The following S100A8 variants were observed in gnomAD, a reference collection of about 807,000 sequenced individuals.
The protein encoded by S100A8 is protein S100-A8.
A neutral mutation model predicts 4.2 loss-of-function variants in S100A8; 1 was observed. The observed-to-expected ratio is 0.24, with a 90% CI of 0.08 to 1.12. S100A8 has a LOEUF of 1.12. Ranked by LOEUF, S100A8 falls within the 50% of genes most tolerant of loss-of-function variation. The pLI is 0.53. For synonymous variants in S100A8, 41 were observed against 44.7 expected (o/e 0.92, Z 0.33); for missense variants, 96 against 111.8 (o/e 0.86, Z 0.64).
At chr1:153,392,940 T>C (rs1662135350), upstream of S100A8, among the ~76,000 whole-genome samples, 1 of 152,212 alleles carries the variant, frequency 6.6e-6, no homozygotes, top group African/African-American at 2.4e-5. Flanking sequence ...TCACACTCAC[T>C]GAGCTTTTCC....
chr1:153,390,587 A>G (rs1233926532), intron 1 of S100A8, 30 bp from the exon 2 acceptor site: 4 of 1,609,782 alleles, frequency 2.5e-6, no homozygotes, highest in East Asian at 2.2e-5. Context: ...GGGGAATCCC[A>G]TGGCAGGGAA....
At chr1:153,403,937 G>A in the S100A8 span, among the ~76,000 whole-genome samples, 973 of 152,268 alleles carry the variant, frequency 6.4e-3, 42 homozygotes, top group Admixed American at 0.049. Context: ...CACTGCAGAT[G>A]CCAATCGCAG....
chr1:153,415,777 C>A, the S100A8 span, among the ~76,000 whole-genome samples: 1 of 152,166 alleles, frequency 6.6e-6, no homozygotes, highest in Non-Finnish European at 1.5e-5. Flanking sequence ...CCAGTCCCCC[C>A]ACCTAAATCC....
chr1:153,403,851 A>G, the S100A8 span, among the ~76,000 whole-genome samples: 1 of 152,108 alleles, frequency 6.6e-6, no homozygotes, highest in Admixed American at 6.5e-5. Context: ...GTATCGTGCA[A>G]TTCCGTTCTG....
At chr1:153,410,508 A>C in the S100A8 span, among the ~76,000 whole-genome samples, 4 of 152,232 alleles carry the variant, frequency 2.6e-5, no homozygotes, top group Non-Finnish European at 5.9e-5. Flanking sequence ...AACCAAAAAA[A>C]GTCCAAGACC....
the S100A8 span, chr1:153,421,557 A>T: frequency 6.6e-6 from 1 of 152,184 alleles, no homozygotes; most frequent in Non-Finnish European, 1.5e-5. Flanking sequence ...AAATCCAAAA[A>T]CTTCCAGTCC....
chr1:153,410,547 A>C, the S100A8 span, among the ~76,000 whole-genome samples: 1 of 152,252 alleles, frequency 6.6e-6, no homozygotes, highest in Non-Finnish European at 1.5e-5. Flanking sequence ...ATTCTACCAG[A>C]GCTACAAAGA....
chr1:153,421,510 A>T, the S100A8 span: 1 of 152,350 alleles, frequency 6.6e-6, no homozygotes, highest in East Asian at 1.9e-4. Flanking sequence ...ATTTGTGCAA[A>T]TTCTAGTCAA....
chr1:153,407,512 G>C, the S100A8 span, among the ~76,000 whole-genome samples: 1 of 152,250 alleles, frequency 6.6e-6, no homozygotes, highest in Non-Finnish European at 1.5e-5. Context: ...AAGGAGGTCT[G>C]CCTGCCTCGG....
the S100A8 span, among the ~76,000 whole-genome samples, chr1:153,408,330 G>C: frequency 6.6e-6 from 1 of 152,212 alleles, no homozygotes; most frequent in Non-Finnish European, 1.5e-5. Flanking sequence ...CATGACTCAT[G>C]CACAAGCTTC....
At chr1:153,391,755 G>A (rs1451547137), upstream of S100A8, among the ~76,000 whole-genome samples, 1 of 152,190 alleles carries the variant, frequency 6.6e-6, no homozygotes, top group African/African-American at 2.4e-5. Context: ...GATGGAGGCT[G>A]CTTGGGGTCC....
the S100A8 span, chr1:153,418,122 A>G: frequency 6.2e-7 from 1 of 1,614,200 alleles, no homozygotes; most frequent in Non-Finnish European, 8.5e-7. Context: ...AATAGGCATG[A>G]TCGACATGTT....
chr1:153,417,519 C>T, the S100A8 span, among the ~76,000 whole-genome samples: 28 of 152,320 alleles, frequency 1.8e-4, no homozygotes, highest in African/African-American at 5.3e-4. Context: ...CTCATGTCCA[C>T]GCTCACATGT....
the S100A8 span, among the ~76,000 whole-genome samples, chr1:153,416,149 G>T: frequency 6.6e-6 from 1 of 152,238 alleles, no homozygotes; most frequent in Non-Finnish European, 1.5e-5. Context: ...CAACAAATGT[G>T]TGGAAGTACT....
the S100A8 span, among the ~76,000 whole-genome samples, chr1:153,411,836 C>T: frequency 1.3e-5 from 2 of 152,164 alleles, no homozygotes; most frequent in Non-Finnish European, 2.9e-5. Flanking sequence ...CACACAACTA[C>T]AACCATCTGA....
At chr1:153,403,743 A>G in the S100A8 span, among the ~76,000 whole-genome samples, 1 of 152,202 alleles carries the variant, frequency 6.6e-6, no homozygotes, top group Admixed American at 6.5e-5. Context: ...AACCATTCTG[A>G]CTAACAACAC....
the S100A8 span, among the ~76,000 whole-genome samples, chr1:153,404,384 C>T: frequency 6.6e-6 from 1 of 152,168 alleles, no homozygotes; most frequent in African/African-American, 2.4e-5. Context: ...CTCTGGCAAC[C>T]AGCCCCATCC....
the S100A8 span, among the ~76,000 whole-genome samples, chr1:153,413,633 G>T: frequency 3.9e-5 from 6 of 152,182 alleles, no homozygotes; most frequent in African/African-American, 1.4e-4. Flanking sequence ...AGGTGCAGTG[G>T]CTCACAACTG....
the S100A8 span, among the ~76,000 whole-genome samples, chr1:153,407,508 G>T: frequency 3.9e-5 from 6 of 152,238 alleles, no homozygotes; most frequent in Admixed American, 2.6e-4. Flanking sequence ...GCTAAAGGAG[G>T]TCTGCCTGCC....
Sources: gnomAD v4.1 joint callset for allele counts (sites outside exome capture counted in the v4.1 genomes callset) on GRCh38, gnomAD v4.1.1 for gene constraint, MANE v1.5 for transcripts, NCBI Gene and HGNC (gene_info 2026-07-23, HGNC 2026-07-21) for gene names.